NXN: variants seen among roughly 807,000 people sequenced by gnomAD.
NXN encodes nucleoredoxin 1.
In NXN, 16 loss-of-function variants were observed where a neutral mutation model predicts 48.6. That is an observed-to-expected ratio of 0.33 (90% CI 0.22 to 0.50). NXN has a LOEUF of 0.50. NXN is among the 20% of genes least tolerant of loss of function. The pLI, the probability that NXN is intolerant of heterozygous loss-of-function variation, is 0.98. For synonymous variants in NXN, 281 were observed against 269.6 expected, an observed-to-expected ratio of 1.04 and a Z score of -0.41; for missense variants, 492 against 605.5, an observed-to-expected ratio of 0.81 and a Z score of 1.97.
intron 1 of NXN, among the ~76,000 whole-genome samples, chr17:908,872 G>A (rs567671892): frequency 3.3e-5 from 5 of 152,226 alleles, no homozygotes; most frequent in African/African-American, 9.6e-5. Flanking sequence ...GGGAGGCCGA[G>A]GCAGGCAGAT....
At chr17:817,813 G>C (rs946231249) in intron 5 of NXN, among the ~76,000 whole-genome samples, 1 of 152,054 alleles carries the variant, frequency 6.6e-6, no homozygotes, top group Non-Finnish European at 1.5e-5. Context: ...GTTTACAGCT[G>C]ACAAGCATCT....
At chr17:850,748 A>C (rs2067915216) in intron 1 of NXN, among the ~76,000 whole-genome samples, 1 of 152,230 alleles carries the variant, frequency 6.6e-6, no homozygotes, top group Non-Finnish European at 1.5e-5. Flanking sequence ...GTAGAATCAC[A>C]CACATGATAT....
chr17:913,366 C>T (rs996740378), intron 1 of NXN, among the ~76,000 whole-genome samples: 1 of 152,190 alleles, frequency 6.6e-6, no homozygotes, highest in African/African-American at 2.4e-5. Context: ...AAAGTCCATT[C>T]GCTTGTCAGT....
intron 1 of NXN, among the ~76,000 whole-genome samples, chr17:935,061 G>A (rs905409099): frequency 2.0e-5 from 3 of 149,688 alleles, no homozygotes; most frequent in African/African-American, 4.9e-5. Flanking sequence ...GTGTGATCTC[G>A]GCTCACTGCA....
intron 1 of NXN, among the ~76,000 whole-genome samples, chr17:946,210 ACTGCAAGCTCCGCCTCCCGGGGATCCCTG>A (rs2069041979): frequency 2.5e-5 from 1 of 40,086 alleles, no homozygotes. Context: ...ATCCCTGCTC[ACTGCAAGCTCCGCCTCCCGGGGATCCCTG>A]CTCACTGCAA....
chr17:839,253 G>A (rs756057909), intron 1 of NXN, among the ~76,000 whole-genome samples: 12 of 151,746 alleles, frequency 7.9e-5, no homozygotes, highest in Non-Finnish European at 1.5e-4. Context: ...TGGCCAACAT[G>A]GTGAAACCCC....
chr17:849,793 G>A lies in NXN; in HGVS notation c.361-23715C>T, dbSNP rs565386936. 4.6e-5 allele frequency among the ~76,000 whole-genome samples: 7 copies of A among 152,306 alleles called. No homozygotes were observed. In the East Asian group the frequency reaches 1.2e-3, roughly 25 times the overall value. ...CTCACGTCAAGGGCAGGCAGGGGTC[G>A]CCTTGCTGGGCCAGGGACAGCAGAG... On this transcript the variant is annotated intron_variant, in intron 1 of 7. Transcript: ENST00000336868. The surrounding 1 kb of genome is among the most constrained non-coding windows in gnomAD (Gnocchi z 4.2).
At chr17:964,511 A>G (rs2069279377) in intron 1 of NXN, among the ~76,000 whole-genome samples, 2 of 152,250 alleles carry the variant, frequency 1.3e-5, no homozygotes, top group South Asian at 4.1e-4. Context: ...ATTTGTAAAA[A>G]GCTTAAAGCA....
intron 1 of NXN, chr17:909,705 A>G (rs1303005440): frequency 2.7e-5 from 4 of 150,718 alleles, no homozygotes; most frequent in African/African-American, 9.8e-5. Context: ...CGCCCGGCCT[A>G]ATTTTTTTTA....
chr17:941,199 T>C, intron 1 of NXN, among the ~76,000 whole-genome samples: 1 of 138,222 alleles, frequency 7.2e-6, no homozygotes, highest in African/African-American at 2.9e-5. Flanking sequence ...GTGAACAAGA[T>C]TCCAGGGTGC....
chr17:901,499 T>A (rs979895272), intron 1 of NXN, among the ~76,000 whole-genome samples: 4 of 152,144 alleles, frequency 2.6e-5, no homozygotes, highest in Non-Finnish European at 4.4e-5. Flanking sequence ...CTCTGCTTCC[T>A]CGTTACTAAA....
At chr17:837,551 C>T (rs1402019171) in intron 1 of NXN, among the ~76,000 whole-genome samples, 3 of 152,220 alleles carry the variant, frequency 2.0e-5, no homozygotes, top group Non-Finnish European at 4.4e-5. Flanking sequence ...CCTAATCAGT[C>T]CAGCTCAGCT....
At chr17:811,584 C>T (rs1912011627) in intron 5 of NXN, among the ~76,000 whole-genome samples, 1 of 152,130 alleles carries the variant, frequency 6.6e-6, no homozygotes, top group Non-Finnish European at 1.5e-5. Flanking sequence ...ATGCCAGGTC[C>T]TTGGTGAGCC....
intron 1 of NXN, among the ~76,000 whole-genome samples, chr17:947,531 G>C (rs1413364725): frequency 6.6e-6 from 1 of 151,570 alleles, no homozygotes; most frequent in African/African-American, 2.4e-5. Flanking sequence ...CCAGGAGTTC[G>C]AGACCAGCCT....
At chr17:951,258 G>A (rs1197268418) in intron 1 of NXN, among the ~76,000 whole-genome samples, 10 of 146,514 alleles carry the variant, frequency 6.8e-5, no homozygotes, top group Non-Finnish European at 1.3e-4. Context: ...GCTGAGGCAC[G>A]AGAATTGCTT....
chr17:879,254 G>A (rs1016502751), intron 1 of NXN, among the ~76,000 whole-genome samples: 4 of 144,550 alleles, frequency 2.8e-5, no homozygotes, highest in Non-Finnish European at 6.0e-5. Flanking sequence ...AGGAATCTGG[G>A]TTTTTTTTGT....
chr17:884,244 AAAT>A (rs987841244), intron 1 of NXN, among the ~76,000 whole-genome samples: 3 of 145,778 alleles, frequency 2.1e-5, no homozygotes, highest in African/African-American at 2.5e-5. Context: ...ATAAATAAAT[AAAT>A]AATAAAACGA....
chr17:806,938 A>G (rs60874882), intron 5 of NXN, among the ~76,000 whole-genome samples: 6,901 of 151,364 alleles, frequency 0.046, 435 homozygotes, highest in African/African-American at 0.14. Flanking sequence ...ACACACACAC[A>G]CACACACACG....
chr17:964,012 G>A (rs566323744), intron 1 of NXN, among the ~76,000 whole-genome samples: 2 of 152,178 alleles, frequency 1.3e-5, no homozygotes, highest in South Asian at 2.1e-4. Flanking sequence ...GGGAGGCGGA[G>A]CTTGCAGTGA....
Sources: allele counts gnomAD v4.1 joint callset (sites outside exome capture counted in the v4.1 genomes callset), GRCh38; gene constraint gnomAD v4.1.1; non-coding constraint Gnocchi (gnomAD v3.1); transcripts MANE v1.5; gene names NCBI Gene and HGNC (gene_info 2026-07-23, HGNC 2026-07-21).